CFAP65: variants seen among roughly 807,000 people sequenced by gnomAD.
The protein encoded by CFAP65 is cilia- and flagella-associated protein 65.
CFAP65 carries 155 observed loss-of-function variants against 208.0 expected under a neutral mutation model. The ratio of observed to expected loss-of-function variants is 0.75; its 90% CI spans 0.65 to 0.85. The LOEUF is 0.85. Among genes scored for constraint, CFAP65 ranks in the 40% least tolerant of loss-of-function variants. The pLI is 0.00. For synonymous variants in CFAP65, 970 were observed against 986.3 expected, an observed-to-expected ratio of 0.98 and a Z score of 0.31; for missense variants, 2,294 against 2,451.3, an observed-to-expected ratio of 0.94 and a Z score of 1.36.
Position 219,010,907 on chromosome 2 carries a change from A to G in CFAP65, c.4047T>C (p.Asp1349=), listed in dbSNP as rs755138872. 2.5e-6 allele frequency: 4 copies of G among 1,613,790 alleles called. No homozygotes were observed. Among genetic ancestry groups the G allele is most frequent in the Non-Finnish European group, 8.5e-7 (1 of 1,180,018 alleles). ...VLSQVQEKNF[D]HPIFCCLNPK... ...GGTTGAGGCAGCAAAAGATGGGGTG[A>G]TCAAAATTTTTTTCCTGAACCTGTG... Residue 1349 remains aspartate, a synonymous_variant, in exon 25 of 35, where the codon GAT becomes GAC. Transcript: ENST00000341552.
Position 219,013,983 on chromosome 2 carries a change from A to C in CFAP65, c.3664T>G (p.Leu1222Val). Residue 1222 changes from leucine (L) to valine (V), a missense_variant, in exon 22 of 35, where the codon TTG (leucine) becomes GTG (valine). By Grantham distance (32) the Leu-to-Val change is conservative. Around this residue, in one of 2 missense-constraint regions of CFAP65, gnomAD observed 1,427 missense variants for 1,438.7 expected, o/e 0.99. Coordinates refer to ENST00000341552, the MANE Select transcript of CFAP65 (RefSeq NM_194302.4). ...ATCTGGTGGAGCTCAGTGGAATTCA[A>C]CTCTGCTTGCTCTGCCCAGAGCTCC... Reference protein sequence around the residue: ...DVELWAEQAELNSTELHQMRV... With the variant: ...DVELWAEQAEVNSTELHQMRV... 6.2e-7 allele frequency: 1 copy of C among 1,613,508 alleles called. No homozygotes were observed. The highest frequency in any genetic ancestry group is 8.5e-7 in the Non-Finnish European group (1 of 1,179,860).
chr2:219,010,645 C>A lies in CFAP65; in HGVS notation c.4209G>T (p.Val1403=). 1.2e-6 allele frequency: 2 copies of A among 1,611,318 alleles called. No individual in the cohort carries two copies. Among genetic ancestry groups the A allele is most frequent in the Non-Finnish European group, 1.7e-6 (2 of 1,179,318 alleles). The stretch of plus-strand genomic sequence containing the variant: ...CCCCCATCATATGGGGGTTGTAGCC[C>A]ACTCCCTGGAAGTGGATGAGGGCCG... The part of the protein sequence containing the change: ...WNSALIHFQG[V]GYNPHMMGDT... Residue 1403 remains valine (V), a synonymous_variant, in exon 26 of 35, where the codon GTG becomes GTT. Transcript: ENST00000341552.
chr2:219,005,600 C>T, intron 31 of CFAP65, 38 bp from the exon 32 acceptor site: 2 of 1,607,710 alleles, frequency 1.2e-6, no homozygotes, highest in Non-Finnish European at 1.7e-6. Flanking sequence ...CCTGGGCAAG[C>T]CACCATGCTG....
chr2:219,035,116 AC>A, intron 5 of CFAP65: 1 of 464,736 alleles, frequency 2.2e-6, no homozygotes, highest in Admixed American at 4.0e-5. Context: ...AAAAAAAAAA[AC>A]CTTCATAAGA....
In CFAP65 at chr2:219,031,843, T is replaced by C. The variant is rs1948063346; in HGVS notation, c.646-185A>G. 6.6e-6 allele frequency among the ~76,000 whole-genome samples: 1 copy of C among 152,072 alleles called. No homozygotes were observed. Among genetic ancestry groups the C allele is most frequent in the Admixed American group, 6.5e-5 (1 of 15,274 alleles). On this transcript the variant is annotated intron_variant, in intron 6 of 34. Transcript: ENST00000341552. The surrounding 1 kb of genome is among the most constrained non-coding windows in gnomAD (Gnocchi z 5.2). ...TGGTCTCAAACATTAGAGCCTCTTTTGTGGAAAAAGTATTTTGAGGAAATG... is the reference window on the plus strand; with the variant it reads ...TGGTCTCAAACATTAGAGCCTCTTTCGTGGAAAAAGTATTTTGAGGAAATG...
rs762173983 is a variant in CFAP65, at chr2:219,026,030, C to T, written c.2341G>A (p.Val781Ile). The T allele has an allele frequency of 2.5e-6, 4 of 1,614,078 alleles. No individual in the cohort carries two copies. Among genetic ancestry groups the T allele is most frequent in the Non-Finnish European group, 3.4e-6 (4 of 1,179,970 alleles). Reference protein sequence around the residue: ...EHHIPQYSLDVPKLFPAVSSG... With the variant: ...EHHIPQYSLDIPKLFPAVSSG... ...GTTGGGGCCACGCTTACCTTGGGGACATCTAGGGAATACTGGGGGATGTGG... is the reference window on the plus strand; with the variant it reads ...GTTGGGGCCACGCTTACCTTGGGGATATCTAGGGAATACTGGGGGATGTGG... The change falls in exon 14 of 35, where the codon GTC (valine) becomes ATC (isoleucine). Residue 781 changes from valine (V) to isoleucine (I), a missense_variant. By Grantham distance (29) the Val-to-Ile change is conservative. This residue lies in a region of CFAP65 where 1,427 missense variants were observed against 1,438.7 expected (regional missense o/e 0.99). Transcript: ENST00000341552.
At position 219,003,265 on chromosome 2, in the gene CFAP65, C is replaced by T. The variant is rs765382990; in HGVS notation, c.5563G>A (p.Ala1855Thr). The change falls in exon 34 of 35, where the codon GCC (alanine) becomes ACC (threonine). Residue 1855 changes from alanine (A) to threonine (T), a missense_variant. Transcript: ENST00000341552. This position sits in a 1 kb window ranked among gnomAD's most constrained non-coding sequence, Gnocchi z 4.4. ...DEKEAIRRLP[A>T]FANLQEALLE... ...AGCGCCTCCTGCAGGTTGGCGAAGG[C>T]CGGGAGCCTGCGAGGGGGCGGGGGC... 2.6e-6 allele frequency: 4 copies of T among 1,537,270 alleles called. No homozygotes were observed. In the South Asian group the frequency reaches 4.9e-5, roughly 19 times the overall value.
intron 29 of CFAP65, 97 bp from the exon 30 acceptor site, chr2:219,006,606 G>C: frequency 8.3e-7 from 1 of 1,204,694 alleles, no homozygotes; most frequent in Non-Finnish European, 1.2e-6. Context: ...GGCCAAGGCG[G>C]GCGGATCACC....
chr2:219,019,241 G>A (rs761683819), intron 20 of CFAP65, 62 bp from the exon 21 acceptor site: 47 of 1,538,998 alleles, frequency 3.1e-5, no homozygotes, highest in Non-Finnish European at 4.1e-5. Context: ...GCCCTCCCAG[G>A]GATGGCTGGC....
In CFAP65 at chr2:219,019,244, TG is replaced by T. The variant is rs1947112010; in HGVS notation, c.3474-66del. The T allele has an allele frequency of 6.5e-6, 10 of 1,531,222 alleles. 1 individual carries two copies. In the East Asian group the frequency reaches 1.6e-4, roughly 24 times the overall value. 94.9% of individuals were successfully genotyped at this position (1,531,222 alleles called of 1,614,324 possible). On this transcript the variant is annotated intron_variant, in intron 20 of 34. Transcript: ENST00000341552. ...GGCCAGGGCAGGGCCCTCCCAGGGATGGCTGGCTTGGGCACTCCCCTCCCTC... is the reference window on the plus strand; with the variant it reads ...GGCCAGGGCAGGGCCCTCCCAGGGATGCTGGCTTGGGCACTCCCCTCCCTC...
chr2:219,022,261 C>T lies in CFAP65; in HGVS notation c.2889G>A (p.Trp963Ter). 6.2e-7 allele frequency: 1 copy of T among 1,607,910 alleles called. No individual in the cohort carries two copies. The highest frequency in any genetic ancestry group is 1.1e-5 in the South Asian group (1 of 89,558). Residue 963 changes from tryptophan to a stop codon, truncating the protein, a stop_gained, in exon 17 of 35, where the codon TGG becomes TGA. Transcript: ENST00000341552. LOFTEE classifies it high-confidence loss of function. The part of the protein sequence containing the change: ...KYLFQVGMWV[W>*]EAGLSPNANP... Reference sequence around the variant, plus strand: ...TGGCATTTGGGGACAGGCCGGCTTCCCAGACCCACATCCCCACTTGGAACA... The same window carrying T: ...TGGCATTTGGGGACAGGCCGGCTTCTCAGACCCACATCCCCACTTGGAACA...
chr2:219,022,436 C>T (rs1303695080), intron 16 of CFAP65, 107 bp from the exon 17 acceptor site: 1 of 1,274,212 alleles, frequency 7.8e-7, no homozygotes, highest in African/African-American at 1.5e-5. Context: ...AGCCCTTTCT[C>T]AGAATCTACC....
At chr2:219,037,426 C>T (rs1424796053) in intron 4 of CFAP65, among the ~76,000 whole-genome samples, 1 of 152,110 alleles carries the variant, frequency 6.6e-6, no homozygotes, top group Non-Finnish European at 1.5e-5. Flanking sequence ...ACAACAACAA[C>T]AAGGAAATTT....
chr2:219,026,258 G>T, intron 13 of CFAP65, 99 bp from the exon 14 acceptor site: 2 of 1,291,070 alleles, frequency 1.5e-6, no homozygotes, highest in South Asian at 1.4e-5. Context: ...GCAGGAGTCT[G>T]ACATTGGACA....
intron 32 of CFAP65, 114 bp downstream of exon 32, chr2:219,005,320 C>A: frequency 7.1e-7 from 1 of 1,416,526 alleles, no homozygotes; most frequent in South Asian, 1.2e-5. Context: ...ACCTCCATGC[C>A]CCACCAAGTT....
At position 219,039,029 on chromosome 2, in the gene CFAP65, C is replaced by A. The variant is rs1948528817; in HGVS notation, c.20G>T (p.Cys7Phe). The change falls in exon 3 of 35, where the codon TGT becomes TTT. Residue 7 changes from cysteine (C) to phenylalanine (F), a missense_variant. Physicochemically the swap from Cys to Phe is radical, Grantham distance 205 (BLOSUM62 -2). Around this residue, in one of 2 missense-constraint regions of CFAP65, gnomAD observed 867 missense variants for 1,012.6 expected, o/e 0.86. Transcript: ENST00000341552. MFTLTG[C>F]RLVEKTQKVE... Reference sequence around the variant, plus strand: ...CTTCTGGGTTTTCTCCACCAGTCTACAACCGGTTAAGGTAAACATCACTGA... The same window carrying A: ...CTTCTGGGTTTTCTCCACCAGTCTAAAACCGGTTAAGGTAAACATCACTGA... The A allele has an allele frequency of 1.2e-6, 2 of 1,610,268 alleles. No homozygotes were observed. Among genetic ancestry groups the A allele is most frequent in the Non-Finnish European group, 1.7e-6 (2 of 1,177,968 alleles).
At position 219,024,233 on chromosome 2, in the gene CFAP65, G is replaced by A. The variant is rs1225440905; in HGVS notation, c.2377C>T (p.Pro793Ser). Residue 793 changes from proline to serine, a missense_variant, in exon 15 of 35, where the codon CCC (proline) becomes TCC (serine). Around this residue, in one of 2 missense-constraint regions of CFAP65, gnomAD observed 1,427 missense variants for 1,438.7 expected, o/e 0.99. Transcript: ENST00000341552. The part of the protein sequence containing the change: ...KLFPAVSSGE[P>S]TYRSLLLVNK... Reference sequence around the variant, plus strand: ...ACCAGGAGCAGGCTGCGGTAGGTGGGCTCACCGGAGGACACTGCTGGAAAT... The same window carrying A: ...ACCAGGAGCAGGCTGCGGTAGGTGGACTCACCGGAGGACACTGCTGGAAAT... The A allele has an allele frequency of 1.9e-6, 3 of 1,613,440 alleles. No homozygotes were observed. Among genetic ancestry groups the A allele is most frequent in the Non-Finnish European group, 2.5e-6 (3 of 1,179,946 alleles).
intron 14 of CFAP65, 27 bp from the exon 15 acceptor site, chr2:219,024,287 C>T (rs1011184680): frequency 3.1e-6 from 5 of 1,593,984 alleles, no homozygotes; most frequent in East Asian, 2.2e-5. Flanking sequence ...AGGAAAGCGG[C>T]CCCCCGCTCA....
Position 219,010,838 on chromosome 2 carries a change from C to A in CFAP65, c.4116G>T (p.Trp1372Cys). 1 of 1,609,304 alleles carries A rather than the reference C, an allele frequency of 6.2e-7. No homozygotes were observed. The highest frequency in any genetic ancestry group is 8.5e-7 in the Non-Finnish European group (1 of 1,177,048). ...IQPGSTARVL[W>C]IFSPIEAKTY... ...TCTTGGCCTCGATAGGTGAGAAGAT[C>A]CACAAGACCCGGGCAGTGCTGCCTG... The change falls in exon 25 of 35, where the codon TGG becomes TGT. Residue 1372 changes from tryptophan (W) to cysteine (C), a missense_variant. Coordinates refer to ENST00000341552, the MANE Select transcript of CFAP65 (RefSeq NM_194302.4).
Sources: allele counts gnomAD v4.1 joint callset (sites outside exome capture counted in the v4.1 genomes callset), GRCh38; gene constraint gnomAD v4.1.1; regional missense constraint gnomAD v4.1.1; non-coding constraint Gnocchi (gnomAD v3.1); transcripts MANE v1.5; gene names NCBI Gene and HGNC (gene_info 2026-07-23, HGNC 2026-07-21).